Variants in IGDCC3 observed in about 807,000 individuals in gnomAD.
IGDCC3 encodes the protein immunoglobulin superfamily DCC subclass member 3.
A neutral mutation model predicts 72.0 loss-of-function variants in IGDCC3; 47 were observed. That is an observed-to-expected ratio of 0.65 (90% CI 0.52 to 0.83). The LOEUF (loss-of-function observed/expected upper bound fraction) is 0.83, where lower values mean the gene tolerates loss of function less well. Among genes scored for constraint, IGDCC3 ranks in the 40% least tolerant of loss-of-function variants. The pLI is 0.00. For missense variants in IGDCC3, 1,038 were observed against 1,091.3 expected (o/e 0.95, Z 0.69); for synonymous variants, 477 against 472.8 (o/e 1.01, Z -0.11).
At chr15:65,374,127 C>G (rs1175046433) in intron 2 of IGDCC3, 2 of 152,118 alleles carry the variant, frequency 1.3e-5, no homozygotes, top group African/African-American at 4.8e-5. Flanking sequence ...CAGAACAAGA[C>G]TCTGTCTCAA....
At chr15:65,370,620 GTATATATATA>G (rs71136346) in intron 2 of IGDCC3, among the ~76,000 whole-genome samples, 5 of 94,578 alleles carry the variant, frequency 5.3e-5, no homozygotes, top group East Asian at 5.9e-4. Flanking sequence ...ATATGTATGT[GTATATATATA>G]TATATATATA....
At position 65,377,642 on chromosome 15, in the gene IGDCC3, CT is replaced by C. The variant is rs752540182; in HGVS notation, c.103+43del. 3 of 1,411,774 alleles carry C rather than the reference CT, an allele frequency of 2.1e-6. No homozygotes were observed. The highest frequency in any genetic ancestry group is 3.2e-5 in the South Asian group (2 of 63,480). The allele number at this position is 1,411,774 out of a possible 1,614,324, so 87.5% of individuals were successfully genotyped here. A position where few individuals can be genotyped will look rare whatever the true frequency, so the allele number is the denominator to read the frequency against. On this transcript the variant is annotated intron_variant, in intron 1 of 13. Transcript: ENST00000327987. The surrounding 1 kb of genome is among the most constrained non-coding windows in gnomAD (Gnocchi z 4.9). ...CGCTCCCTCCCTGCTCGCCCTTCCC[CT>C]GGCTCCGTCCGCAACCGCCCGGTCC...
intron 5 of IGDCC3, among the ~76,000 whole-genome samples, chr15:65,334,304 A>G (rs999980939): frequency 6.6e-6 from 1 of 152,150 alleles, no homozygotes; most frequent in Non-Finnish European, 1.5e-5. Context: ...GGGGGGGCCC[A>G]GAGTGAGGGT....
Position 65,335,830 on chromosome 15 carries a change from A to C in IGDCC3, c.536T>G (p.Ile179Ser), listed in dbSNP as rs376345208. 1 of 1,613,938 alleles carries C rather than the reference A, an allele frequency of 6.2e-7. No homozygotes were observed. Among genetic ancestry groups the C allele is most frequent in the African/African-American group, 1.3e-5 (1 of 74,888 alleles). Reference sequence around the variant, plus strand: ...GGCTCACCTCTCATTGTCCGTGTCAATTGGGACTCTGTTCTTCTCCCAAGT... The same window carrying C: ...GGCTCACCTCTCATTGTCCGTGTCACTTGGGACTCTGTTCTTCTCCCAAGT... Reference protein sequence around the residue: ...LITWEKNRVPIDTDNERYTLL... With the variant: ...LITWEKNRVPSDTDNERYTLL... Residue 179 changes from isoleucine (I) to serine (S), a missense_variant, in exon 3 of 14, where the codon ATT (isoleucine) becomes AGT (serine). Coordinates refer to ENST00000327987, the MANE Select transcript of IGDCC3 (RefSeq NM_004884.4).
chr15:65,360,485 G>A (rs2091253341), intron 2 of IGDCC3, among the ~76,000 whole-genome samples: 1 of 152,186 alleles, frequency 6.6e-6, no homozygotes, highest in Admixed American at 6.5e-5. Context: ...CAGGAGAATT[G>A]GAATACAATT....
At chr15:65,351,061 G>T (rs1034237240) in intron 2 of IGDCC3, among the ~76,000 whole-genome samples, 1 of 152,156 alleles carries the variant, frequency 6.6e-6, no homozygotes, top group African/African-American at 2.4e-5. Flanking sequence ...TTTAAACAAG[G>T]TGTAGAAGGT....
intron 2 of IGDCC3, among the ~76,000 whole-genome samples, chr15:65,367,468 G>A (rs1303767655): frequency 6.6e-6 from 1 of 151,514 alleles, no homozygotes; most frequent in Non-Finnish European, 1.5e-5. Context: ...CATGACACAT[G>A]TATACATATG....
chr15:65,344,831 G>T (rs2091112992), intron 2 of IGDCC3, among the ~76,000 whole-genome samples: 1 of 152,192 alleles, frequency 6.6e-6, no homozygotes, highest in African/African-American at 2.4e-5. Flanking sequence ...GGGGCTGTGT[G>T]CTGTGGGATG....
chr15:65,371,649 T>C (rs1342769942), intron 2 of IGDCC3, among the ~76,000 whole-genome samples: 2 of 152,168 alleles, frequency 1.3e-5, no homozygotes, highest in African/African-American at 2.4e-5. Context: ...CACTACATCA[T>C]AGAGCTGATC....
intron 2 of IGDCC3, among the ~76,000 whole-genome samples, chr15:65,368,785 TC>T (rs1291048134): frequency 6.6e-6 from 1 of 151,924 alleles, no homozygotes; most frequent in East Asian, 1.9e-4. Context: ...TGCATTATAT[TC>T]CCCTGCCCAT....
At position 65,335,958 on chromosome 15, in the gene IGDCC3, T is replaced by G; in HGVS notation, c.410-2A>C. ...GATGCACGTGGAAGTCCGACATGGC[T>G]GGGGGAAGAGAAGTGTATGAGTGCA... On this transcript the variant is annotated splice_acceptor_variant, in intron 2 of 13. Transcript: ENST00000327987. LOFTEE classifies it high-confidence loss of function. The G allele has an allele frequency of 1.2e-6, 2 of 1,613,996 alleles. No individual in the cohort carries two copies. The highest frequency in any genetic ancestry group is 1.7e-5 in the Admixed American group (1 of 60,006).
intron 2 of IGDCC3, among the ~76,000 whole-genome samples, chr15:65,354,871 G>A (rs2091203096): frequency 6.6e-6 from 1 of 152,224 alleles, no homozygotes; most frequent in Non-Finnish European, 1.5e-5. Flanking sequence ...CTCGGCTGCA[G>A]ATCATAATAA....
In IGDCC3 at chr15:65,331,632, A is replaced by G. The variant is rs148978479; in HGVS notation, c.1176T>C (p.Pro392=). The part of the protein sequence containing the change: ...NSTLTISGIG[P]EDEAIYQCVA... The stretch of plus-strand genomic sequence containing the variant: ...CACACTGATAAATGGCTTCATCCTC[A>G]GGACCGATTCCAGAAATGGTCAGTG... The change falls in exon 8 of 14, where the codon CCT becomes CCC. Residue 392 remains proline, a synonymous_variant. Coordinates refer to ENST00000327987, the MANE Select transcript of IGDCC3 (RefSeq NM_004884.4). 315 of 1,610,026 alleles carry G rather than the reference A, an allele frequency of 2.0e-4. 2 individuals carry two copies. The East Asian group carries it at 6.7e-3, about 34-fold the overall frequency.
chr15:65,353,370 G>A (rs1430159474), intron 2 of IGDCC3, among the ~76,000 whole-genome samples: 1 of 151,700 alleles, frequency 6.6e-6, no homozygotes, highest in African/African-American at 2.4e-5. Context: ...CCTGCCTCAG[G>A]CTCCAGTGTA....
intron 2 of IGDCC3, among the ~76,000 whole-genome samples, chr15:65,349,343 C>T (rs1040912997): frequency 2.6e-5 from 4 of 152,154 alleles, no homozygotes; most frequent in Admixed American, 6.5e-5. Flanking sequence ...GAAAGGGAAC[C>T]CAGAAGGCTG....
At chr15:65,370,880 T>G (rs1175009063) in intron 2 of IGDCC3, among the ~76,000 whole-genome samples, 7 of 152,134 alleles carry the variant, frequency 4.6e-5, no homozygotes, top group Non-Finnish European at 1.0e-4. Context: ...TGCCTCAGCC[T>G]CTCAAAGTGC....
intron 5 of IGDCC3, among the ~76,000 whole-genome samples, chr15:65,334,015 C>G (rs563922760): frequency 2.0e-5 from 3 of 148,768 alleles, no homozygotes; most frequent in Non-Finnish European, 4.4e-5. Context: ...ATCAGATTAG[C>G]ACAGTCAGAA....
At chr15:65,336,082 T>A in intron 2 of IGDCC3, 126 bp from the exon 3 acceptor site, 1 of 944,200 alleles carries the variant, frequency 1.1e-6, no homozygotes, top group Non-Finnish European at 1.6e-6. Context: ...GGAGTTTTCC[T>A]GCAAGGGCAA....
chr15:65,377,561 C>A lies in IGDCC3; in HGVS notation c.103+125G>T, dbSNP rs1050978937. On this transcript the variant is annotated intron_variant, in intron 1 of 13. Coordinates refer to ENST00000327987, the MANE Select transcript of IGDCC3 (RefSeq NM_004884.4). This position sits in a 1 kb window ranked among gnomAD's most constrained non-coding sequence, Gnocchi z 4.9. ...CCGTCCGGATCCGCAGGGTCCCCCC[C>A]GCGCGGGGTCCGCCCTCAGGTCCGC... The A allele has an allele frequency of 1.8e-5, 18 of 993,796 alleles. No homozygotes were observed. In the African/African-American group the frequency reaches 1.9e-4, roughly 10 times the overall value. The allele number at this position is 993,796 out of a possible 1,614,324, so 61.6% of individuals were successfully genotyped here. A position where few individuals can be genotyped will look rare whatever the true frequency, so the allele number is the denominator to read the frequency against.
Sources: allele counts gnomAD v4.1 joint callset (sites outside exome capture counted in the v4.1 genomes callset), GRCh38; gene constraint gnomAD v4.1.1; non-coding constraint Gnocchi (gnomAD v3.1); transcripts MANE v1.5; gene names NCBI Gene and HGNC (gene_info 2026-07-23, HGNC 2026-07-21).